ZNF569: variants seen among roughly 807,000 people sequenced by gnomAD.
The protein encoded by ZNF569 is zinc finger protein 569.
ZNF569 carries 38 observed loss-of-function variants against 56.3 expected under a neutral mutation model. The observed-to-expected ratio is 0.68, with a 90% CI of 0.52 to 0.88. The LOEUF (loss-of-function observed/expected upper bound fraction) is 0.88. Ranked by LOEUF, ZNF569 falls within the 40% of genes least tolerant of loss-of-function variation. ZNF569 has a pLI of 0.00. For synonymous variants in ZNF569, 241 were observed against 262.9 expected, an observed-to-expected ratio of 0.92 and a Z score of 0.81; for missense variants, 666 against 809.2, an observed-to-expected ratio of 0.82 and a Z score of 2.15.
intron 3 of ZNF569, among the ~76,000 whole-genome samples, chr19:37,444,534 G>A (rs1299031323): frequency 6.6e-6 from 1 of 152,132 alleles, no homozygotes; most frequent in Non-Finnish European, 1.5e-5. Context: ...CATCAAAAGA[G>A]CTAGGTTTAT....
upstream of ZNF569, chr19:37,469,197 G>A (rs1185159340): frequency 1.8e-5 from 23 of 1,269,878 alleles, no homozygotes; most frequent in Non-Finnish European, 2.3e-5. Context: ...ACCTGGTGGG[G>A]AGGAGGCCGT....
At chr19:37,469,253 G>A, upstream of ZNF569, 2 of 1,388,288 alleles carry the variant, frequency 1.4e-6, no homozygotes, top group Non-Finnish European at 1.9e-6. Flanking sequence ...CAGACACTGC[G>A]ACGCCGCGAC....
At chr19:37,427,804 A>G in intron 3 of ZNF569, 1 of 517,728 alleles carries the variant, frequency 1.9e-6, no homozygotes, top group Non-Finnish European at 3.9e-6. Context: ...TCTGGGAGGA[A>G]GATCCAAATA....
intron 3 of ZNF569, among the ~76,000 whole-genome samples, chr19:37,436,859 C>G (rs2146919624): frequency 6.6e-6 from 1 of 151,912 alleles, no homozygotes; most frequent in South Asian, 2.1e-4. Flanking sequence ...AGCTCAGAAC[C>G]CAATGGCTTC....
chr19:37,411,570 T>G lies in ZNF569; in HGVS notation c.*1027A>C, dbSNP rs1483992878. The stretch of plus-strand genomic sequence containing the variant: ...GCCTGTGAGGCCAATACACCAAAAT[T>G]CAACAGACTATTCCATGTTTACATG... On this transcript the variant is annotated 3_prime_UTR_variant, in exon 6 of 6. Coordinates refer to ENST00000316950, the MANE Select transcript of ZNF569 (RefSeq NM_152484.3). 1 of 152,140 alleles carries G rather than the reference T, an allele frequency of 6.6e-6. No homozygotes were observed. Among genetic ancestry groups the G allele is most frequent in the Non-Finnish European group, 1.5e-5 (1 of 67,986 alleles). The allele number at this position is 152,140 out of a possible 1,614,324, so 9.4% of individuals were successfully genotyped here. A position where few individuals can be genotyped will look rare whatever the true frequency, so the allele number is the denominator to read the frequency against.
At chr19:37,458,825 G>A (rs1171699881) in intron 2 of ZNF569, among the ~76,000 whole-genome samples, 2 of 152,090 alleles carry the variant, frequency 1.3e-5, no homozygotes, top group South Asian at 2.1e-4. Flanking sequence ...AGGGAAATGC[G>A]AACTATAAGA....
At chr19:37,462,712 C>G (rs1171365442) in intron 2 of ZNF569, among the ~76,000 whole-genome samples, 1 of 152,182 alleles carries the variant, frequency 6.6e-6, no homozygotes, top group Non-Finnish European at 1.5e-5. Context: ...TTCCTCCTTA[C>G]TTCCCAGAGT....
chr19:37,460,556 A>G (rs1600353061), intron 2 of ZNF569, among the ~76,000 whole-genome samples: 1 of 152,074 alleles, frequency 6.6e-6, no homozygotes, highest in Non-Finnish European at 1.5e-5. Flanking sequence ...AAACAACTAT[A>G]TATGTCTATA....
chr19:37,447,272 A>G (rs1301622947), intron 2 of ZNF569, among the ~76,000 whole-genome samples: 1 of 152,232 alleles, frequency 6.6e-6, no homozygotes, highest in Non-Finnish European at 1.5e-5. Flanking sequence ...AAGTCATTAC[A>G]GGAAAAAGAT....
chr19:37,427,316 CAA>C (rs970502592), intron 3 of ZNF569, among the ~76,000 whole-genome samples: 2 of 131,138 alleles, frequency 1.5e-5, no homozygotes, highest in African/African-American at 2.8e-5. Flanking sequence ...GGCCCTGTCT[CAA>C]AAAAAAAAAG....
intron 2 of ZNF569, among the ~76,000 whole-genome samples, chr19:37,464,987 C>G (rs1377959253): frequency 6.6e-6 from 1 of 152,162 alleles, no homozygotes; most frequent in South Asian, 2.1e-4. Flanking sequence ...TTTGATCTGC[C>G]CTCCTCCCAT....
intron 1 of ZNF569, among the ~76,000 whole-genome samples, chr19:37,465,996 G>A (rs1386382919): frequency 6.6e-6 from 1 of 152,192 alleles, no homozygotes. Context: ...AACAAGAAAG[G>A]TTGGTTACAG....
At chr19:37,446,549 CAAAA>C (rs74174464) in intron 2 of ZNF569, among the ~76,000 whole-genome samples, 4 of 60,452 alleles carry the variant, frequency 6.6e-5, no homozygotes, top group African/African-American at 1.3e-4. Flanking sequence ...GACTCCATCT[CAAAA>C]AAAAAAAAAA....
chr19:37,453,820 A>G (rs560164014), intron 2 of ZNF569, among the ~76,000 whole-genome samples: 5 of 152,336 alleles, frequency 3.3e-5, no homozygotes, highest in South Asian at 2.1e-4. Context: ...TCCATTTCAT[A>G]TAAGTCATAG....
At chr19:37,427,140 G>A (rs1162095946) in intron 3 of ZNF569, among the ~76,000 whole-genome samples, 1 of 84,054 alleles carries the variant, frequency 1.2e-5, no homozygotes, top group Non-Finnish European at 2.0e-5. Context: ...GCAATGTGGC[G>A]AAACCGTCTG....
At chr19:37,465,085 C>T (rs1231618029) in intron 2 of ZNF569, among the ~76,000 whole-genome samples, 3 of 152,218 alleles carry the variant, frequency 2.0e-5, no homozygotes, top group South Asian at 4.1e-4. Context: ...GTTGCCACTT[C>T]AGAGCCTTTA....
intron 3 of ZNF569, among the ~76,000 whole-genome samples, chr19:37,441,085 T>C (rs1360859962): frequency 6.6e-6 from 1 of 152,156 alleles, no homozygotes; most frequent in Admixed American, 6.5e-5. Flanking sequence ...TTTTCTCCAC[T>C]TAACTTTATT....
At position 37,412,474 on chromosome 19, in the gene ZNF569, G is replaced by A; in HGVS notation, c.*123C>T. The A allele has an allele frequency of 1.5e-6, 2 of 1,362,966 alleles. No individual in the cohort carries two copies. Among genetic ancestry groups the A allele is most frequent in the Non-Finnish European group, 1.9e-6 (2 of 1,056,336 alleles). 84.4% of individuals were successfully genotyped at this position (1,362,966 alleles called of 1,614,324 possible). The stretch of plus-strand genomic sequence containing the variant: ...GAATTCTCTAATGTTTCATAAATTT[G>A]TGGCTTTTTCAGAAGGCTATCCCAC... On this transcript the variant is annotated 3_prime_UTR_variant, in exon 6 of 6. Transcript: ENST00000316950.
intron 5 of ZNF569, among the ~76,000 whole-genome samples, chr19:37,425,070 G>A (rs1356968055): frequency 6.6e-6 from 1 of 151,864 alleles, no homozygotes; most frequent in South Asian, 2.1e-4. Context: ...AGTGAGCCGA[G>A]ATCGCGCCAC....
Sources: allele counts gnomAD v4.1 joint callset (sites outside exome capture counted in the v4.1 genomes callset), GRCh38; gene constraint gnomAD v4.1.1; transcripts MANE v1.5; gene names NCBI Gene and HGNC (gene_info 2026-07-23, HGNC 2026-07-21).